Variants in ZMYND8 observed in about 807,000 individuals in gnomAD.
ZMYND8 encodes the protein zinc finger MYND-type containing 8.
In ZMYND8, 37 loss-of-function variants were observed where a neutral mutation model predicts 140.8. The observed-to-expected ratio is 0.26, with a 90% CI of 0.20 to 0.35. The LOEUF (loss-of-function observed/expected upper bound fraction) is 0.35, where lower values mean the gene tolerates loss of function less well. Among genes scored for constraint, ZMYND8 ranks in the 10% least tolerant of loss-of-function variants. The pLI, the probability that ZMYND8 is intolerant of heterozygous loss-of-function variation, is 1.00. For synonymous variants in ZMYND8, 592 were observed against 597.1 expected (o/e 0.99, Z 0.12); for missense variants, 1,068 against 1,570.0 (o/e 0.68, Z 5.40).
chr20:47,235,416 C>T (rs2039095908), intron 16 of ZMYND8, among the ~76,000 whole-genome samples: 1 of 151,960 alleles, frequency 6.6e-6, no homozygotes, highest in Non-Finnish European at 1.5e-5. Context: ...CATAAAAGCA[C>T]TTGGCAGGCC....
intron 2 of ZMYND8, among the ~76,000 whole-genome samples, chr20:47,325,500 A>C (rs541370222): frequency 6.6e-6 from 1 of 152,192 alleles, no homozygotes; most frequent in Non-Finnish European, 1.5e-5. Context: ...GGAAGGCAGC[A>C]GGGTAGCGAA....
intron 10 of ZMYND8, among the ~76,000 whole-genome samples, chr20:47,280,430 GA>G (rs2076534885): frequency 6.6e-6 from 1 of 152,146 alleles, no homozygotes; most frequent in South Asian, 2.1e-4. Context: ...ATGGTTTTGG[GA>G]AACAGCTTCT....
rs542525149 is a variant in ZMYND8, at chr20:47,298,218, C to T, written c.453+511G>A. The T allele has an allele frequency of 6.0e-5, 58 of 959,942 alleles. No homozygotes were observed. In the African/African-American group the frequency reaches 7.9e-4, roughly 13 times the overall value. The allele number at this position is 959,942 out of a possible 1,614,324, so 59.5% of individuals were successfully genotyped here. ...AATGATCCATGCCTGTTTTTGTGCACTGTCGAATTCCCAGCACCTAATAGG... is the reference window on the plus strand; with the variant it reads ...AATGATCCATGCCTGTTTTTGTGCATTGTCGAATTCCCAGCACCTAATAGG... On this transcript the variant is annotated intron_variant, in intron 4 of 22. Coordinates refer to ENST00000471951, the MANE Select transcript of ZMYND8 (RefSeq NM_001281775.3). This position sits in a 1 kb window ranked among gnomAD's most constrained non-coding sequence, Gnocchi z 5.0.
At chr20:47,268,922 C>T (rs145670890) in intron 11 of ZMYND8, among the ~76,000 whole-genome samples, 3 of 152,188 alleles carry the variant, frequency 2.0e-5, no homozygotes, top group Non-Finnish European at 2.9e-5. Flanking sequence ...ATGACAAGGC[C>T]GGACGCAGTG....
At chr20:47,247,142 A>G (rs1178607239) in intron 13 of ZMYND8, among the ~76,000 whole-genome samples, 1 of 152,244 alleles carries the variant, frequency 6.6e-6, no homozygotes, top group Non-Finnish European at 1.5e-5. Context: ...CCCACAGGGT[A>G]TCTTGTCTGC....
At chr20:47,282,558 C>G (rs2076670618) in intron 9 of ZMYND8, among the ~76,000 whole-genome samples, 1 of 152,026 alleles carries the variant, frequency 6.6e-6, no homozygotes, top group Non-Finnish European at 1.5e-5. Context: ...AATCCCATCT[C>G]TACTAAAAAC....
chr20:47,352,568 C>G (rs6124999), intron 1 of ZMYND8: 1 of 983,604 alleles, frequency 1.0e-6, no homozygotes, highest in African/African-American at 1.7e-5. Context: ...AACTAACAGC[C>G]TGAGTGGATA....
intron 3 of ZMYND8, among the ~76,000 whole-genome samples, chr20:47,301,638 C>T (rs575962050): frequency 6.6e-6 from 1 of 152,080 alleles, no homozygotes; most frequent in South Asian, 2.1e-4. Context: ...AGAGCACTCC[C>T]TAATGAGAAA....
rs555886382 is a variant in ZMYND8, at chr20:47,330,865, C to A, written c.85+16991G>T. 5.9e-5 allele frequency among the ~76,000 whole-genome samples: 9 copies of A among 152,306 alleles called. No homozygotes were observed. The South Asian group carries it at 1.5e-3, about 25-fold the overall frequency. ...CAAAAAAATATTTATTATACGCTCA[C>A]CAGCAGCAGGCAAGGTGGTAGTAAA... On this transcript the variant is annotated intron_variant, in intron 2 of 22. Transcript: ENST00000471951.
chr20:47,310,161 G>A lies in ZMYND8; in HGVS notation c.129C>T (p.Pro43=), dbSNP rs781448436. The change falls in exon 3 of 23, where the codon CCC becomes CCT. Residue 43 remains proline (P), a synonymous_variant. Transcript: ENST00000471951. The part of the protein sequence containing the change: ...AERTAQKRKF[P]SPPHSSNGHS... ...GGCCATTGGAAGAATGTGGAGGGCT[G>A]GGGAACTTTCTTTTCTGGGCTGTTC... 7 of 1,612,510 alleles carry A rather than the reference G, an allele frequency of 4.3e-6. No individual in the cohort carries two copies. The Admixed American group carries it at 6.7e-5, about 15-fold the overall frequency.
At chr20:47,215,326 T>C (rs1012216341) in intron 21 of ZMYND8, among the ~76,000 whole-genome samples, 17 of 151,904 alleles carry the variant, frequency 1.1e-4, no homozygotes, top group African/African-American at 3.4e-4. Flanking sequence ...TGAGCCAAGA[T>C]TGCACCACTG....
intron 21 of ZMYND8, among the ~76,000 whole-genome samples, chr20:47,215,688 G>A (rs1269922882): frequency 6.6e-6 from 1 of 152,060 alleles, no homozygotes; most frequent in Non-Finnish European, 1.5e-5. Flanking sequence ...CCCTTGAAGA[G>A]ACATCTAACT....
At chr20:47,238,541 T>C (rs1453640147) in intron 15 of ZMYND8, 2 of 820,582 alleles carry the variant, frequency 2.4e-6, no homozygotes, top group Admixed American at 5.4e-5. Flanking sequence ...ATGTATCATT[T>C]ATAAAATGAA....
intron 4 of ZMYND8, among the ~76,000 whole-genome samples, chr20:47,295,404 T>C (rs2077575730): frequency 1.3e-5 from 2 of 152,040 alleles, no homozygotes; most frequent in South Asian, 2.1e-4. Context: ...AAAATATGTA[T>C]GTATAAAAAA....
chr20:47,317,347 G>A (rs1027220569), intron 2 of ZMYND8, among the ~76,000 whole-genome samples: 1 of 152,062 alleles, frequency 6.6e-6, no homozygotes. Context: ...CCCTTTTCCA[G>A]CCTCCATCAA....
intron 11 of ZMYND8, among the ~76,000 whole-genome samples, chr20:47,270,373 CAAAA>C (rs10659368): frequency 2.2e-5 from 1 of 46,472 alleles, no homozygotes; most frequent in Non-Finnish European, 4.2e-5. Context: ...AACTCCATCT[CAAAA>C]AAAAAAAAAA....
At chr20:47,285,856 A>G (rs1406118553) in intron 8 of ZMYND8, 1 of 980,458 alleles carries the variant, frequency 1.0e-6, no homozygotes, top group Non-Finnish European at 1.2e-6. Flanking sequence ...CATAAAATAA[A>G]CTAAGTGAGA....
chr20:47,261,550 TATCATCATC>T (rs10563094), intron 12 of ZMYND8, among the ~76,000 whole-genome samples: 2,441 of 118,670 alleles, frequency 0.021, 72 homozygotes, highest in African/African-American at 0.056. Context: ...AAAAAACAGT[TATCATCATC>T]ATCATCATCA....
intron 21 of ZMYND8, among the ~76,000 whole-genome samples, chr20:47,215,796 C>A (rs779836746): frequency 6.6e-6 from 1 of 152,172 alleles, no homozygotes; most frequent in Non-Finnish European, 1.5e-5. Flanking sequence ...ATTCCTCAGT[C>A]GCACTAGCCA....
Sources: allele counts gnomAD v4.1 joint callset (sites outside exome capture counted in the v4.1 genomes callset), GRCh38; gene constraint gnomAD v4.1.1; non-coding constraint Gnocchi (gnomAD v3.1); transcripts MANE v1.5; gene names NCBI Gene and HGNC (gene_info 2026-07-23, HGNC 2026-07-21).